LMLN: variants seen among roughly 807,000 people sequenced by gnomAD.
LMLN encodes the protein leishmanolysin-like peptidase.
In LMLN, 70 loss-of-function variants were observed where a neutral mutation model predicts 92.3. The ratio of observed to expected loss-of-function variants is 0.76; its 90% CI spans 0.63 to 0.92. The LOEUF (loss-of-function observed/expected upper bound fraction) is 0.92. LMLN is among the 40% of genes least tolerant of loss of function. The pLI is 0.00. For missense variants in LMLN, 691 were observed against 814.6 expected, an observed-to-expected ratio of 0.85 and a Z score of 1.85; for synonymous variants, 308 against 296.2, an observed-to-expected ratio of 1.04 and a Z score of -0.41.
At chr3:197,999,213 T>C (rs2109898425) in intron 10 of LMLN, 53 bp from the exon 11 acceptor site, 4 of 1,246,734 alleles carry the variant, frequency 3.2e-6, no homozygotes, top group Non-Finnish European at 4.7e-6. Context: ...TTGCAGAAAA[T>C]ATTAGGAGTT....
At chr3:197,984,552 C>G (rs1179223516) in intron 7 of LMLN, among the ~76,000 whole-genome samples, 5 of 151,852 alleles carry the variant, frequency 3.3e-5, no homozygotes, top group Non-Finnish European at 7.4e-5. Context: ...CTCCTGGGCT[C>G]AAGTGATCCC....
intron 9 of LMLN, among the ~76,000 whole-genome samples, chr3:197,991,724 C>T (rs1721877867): frequency 6.6e-6 from 1 of 152,116 alleles, no homozygotes; most frequent in South Asian, 2.1e-4. Context: ...GGCTATTCTC[C>T]TTTCCCCTTT....
intron 15 of LMLN, among the ~76,000 whole-genome samples, chr3:198,038,166 C>CA (rs1478136866): frequency 1.3e-5 from 2 of 152,168 alleles, no homozygotes; most frequent in African/African-American, 4.8e-5. Flanking sequence ...TAATAGTACT[C>CA]ACCCTTGCAT....
intron 1 of LMLN, among the ~76,000 whole-genome samples, chr3:197,970,003 T>G (rs945290929): frequency 6.6e-6 from 1 of 151,704 alleles, no homozygotes; most frequent in African/African-American, 2.4e-5. Flanking sequence ...AGTACAAAAA[T>G]TAGCTGGGCA....
intron 6 of LMLN, among the ~76,000 whole-genome samples, chr3:197,983,320 G>T (rs1201925017): frequency 6.6e-6 from 1 of 152,166 alleles, no homozygotes; most frequent in Non-Finnish European, 1.5e-5. Context: ...GCGCATGGTG[G>T]AACTGAATTA....
intron 8 of LMLN, among the ~76,000 whole-genome samples, chr3:197,990,270 C>T (rs1488681294): frequency 1.3e-5 from 2 of 151,536 alleles, no homozygotes; most frequent in Admixed American, 1.3e-4. Flanking sequence ...CCTGTATTGC[C>T]TAGGCTGGTA....
chr3:197,975,171 CTGAA>C, intron 3 of LMLN, 99 bp downstream of exon 3: 1 of 679,460 alleles, frequency 1.5e-6, no homozygotes, highest in Non-Finnish European at 2.6e-6. Flanking sequence ...ACTTTTGTGA[CTGAA>C]TGAAAGGTGT....
intron 2 of LMLN, among the ~76,000 whole-genome samples, chr3:197,974,837 A>T (rs1721323006): frequency 6.6e-6 from 1 of 152,264 alleles, no homozygotes; most frequent in Non-Finnish European, 1.5e-5. Context: ...GGGTTCTTGG[A>T]TCTCTCATGA....
intron 11 of LMLN, among the ~76,000 whole-genome samples, chr3:198,015,911 C>A (rs2109928727): frequency 6.6e-6 from 1 of 152,186 alleles, no homozygotes; most frequent in Admixed American, 6.5e-5. Flanking sequence ...AAAAAATTCC[C>A]CTGGTGGGCC....
chr3:197,973,404 G>C (rs1183422516), intron 1 of LMLN, among the ~76,000 whole-genome samples: 3 of 152,006 alleles, frequency 2.0e-5, no homozygotes, highest in Non-Finnish European at 4.4e-5. Context: ...ACCATGCCCG[G>C]CTAATTTTTT....
chr3:198,019,436 C>T lies in LMLN; in HGVS notation c.1365+51C>T. The T allele has an allele frequency of 6.5e-7, 1 of 1,532,278 alleles. No homozygotes were observed. The highest frequency in any genetic ancestry group is 8.8e-7 in the Non-Finnish European group (1 of 1,135,932). 94.9% of individuals were successfully genotyped at this position (1,532,278 alleles called of 1,614,324 possible). ...CAGGAATCAGCTTTTCAAAAGTAGT[C>T]TCCATTTTAACTAAAAGAGTAAATT... On this transcript the variant is annotated intron_variant, in intron 12 of 15. Coordinates refer to ENST00000330198, the Ensembl canonical transcript of LMLN. This position sits in a 1 kb window ranked among gnomAD's most constrained non-coding sequence, Gnocchi z 5.5.
chr3:198,032,755 A>C (rs1723111486), intron 14 of LMLN, among the ~76,000 whole-genome samples: 1 of 152,182 alleles, frequency 6.6e-6, no homozygotes, highest in Non-Finnish European at 1.5e-5. Flanking sequence ...CATGACCCAG[A>C]CACCTCTCAC....
chr3:198,040,308 CT>C (rs1441342289), exon 16 of LMLN: 1 of 152,258 alleles, frequency 6.6e-6, no homozygotes, highest in Admixed American at 6.5e-5. Flanking sequence ...GCATTTGACA[CT>C]CCTCCTGTTA....
chr3:197,960,501 G>A (rs1178237170), intron 1 of LMLN, 61 bp downstream of exon 1: 3 of 1,467,554 alleles, frequency 2.0e-6, no homozygotes, highest in South Asian at 2.4e-5. Flanking sequence ...AGGAGCAGGC[G>A]TAGGAGATAG....
intron 1 of LMLN, among the ~76,000 whole-genome samples, chr3:197,973,817 T>A (rs183625602): frequency 6.6e-6 from 1 of 152,326 alleles, no homozygotes; most frequent in East Asian, 1.9e-4. Context: ...ATGAGTGAGA[T>A]AGTATACAGC....
intron 1 of LMLN, among the ~76,000 whole-genome samples, chr3:197,965,521 A>C (rs539358100): frequency 6.6e-6 from 1 of 152,144 alleles, no homozygotes; most frequent in Non-Finnish European, 1.5e-5. Flanking sequence ...GATTATAGAC[A>C]TGAGTCACTG....
At chr3:198,002,433 A>G (rs1722199783) in intron 11 of LMLN, among the ~76,000 whole-genome samples, 1 of 152,230 alleles carries the variant, frequency 6.6e-6, no homozygotes, top group African/African-American at 2.4e-5. Flanking sequence ...CCCAGCTAGG[A>G]CATTTAAAAA....
At chr3:198,002,448 T>C (rs1722200183) in intron 11 of LMLN, among the ~76,000 whole-genome samples, 1 of 152,206 alleles carries the variant, frequency 6.6e-6, no homozygotes, top group African/African-American at 2.4e-5. Context: ...TAAAAACTAA[T>C]GGACATAGGC....
At chr3:197,969,651 C>T (rs73091346) in intron 1 of LMLN, among the ~76,000 whole-genome samples, 1,571 of 152,248 alleles carry the variant, frequency 0.01, 25 homozygotes, top group African/African-American at 0.036. Flanking sequence ...ATGTCCCACA[C>T]GCACTGAAGC....
Sources: allele counts gnomAD v4.1 joint callset (sites outside exome capture counted in the v4.1 genomes callset), GRCh38; gene constraint gnomAD v4.1.1; non-coding constraint Gnocchi (gnomAD v3.1); transcripts MANE v1.5; gene names NCBI Gene and HGNC (gene_info 2026-07-23, HGNC 2026-07-21).